Variants in OPCML observed in about 807,000 individuals in gnomAD.
The protein encoded by OPCML is opioid binding protein/cell adhesion molecule like, also known as opioid-binding protein/cell adhesion molecule.
OPCML carries 13 observed loss-of-function variants against 37.8 expected under a neutral mutation model. The ratio of observed to expected loss-of-function variants is 0.34; its 90% CI spans 0.22 to 0.55. The LOEUF is 0.55. OPCML is among the 20% of genes least tolerant of loss of function. The pLI, the probability that OPCML is intolerant of heterozygous loss-of-function variation, is 0.91. For synonymous variants in OPCML, 176 were observed against 168.8 expected, an observed-to-expected ratio of 1.04 and a Z score of -0.33; for missense variants, 341 against 435.6, an observed-to-expected ratio of 0.78 and a Z score of 1.93.
chr11:132,528,203 A>G (rs1437222639), intron 4 of OPCML, among the ~76,000 whole-genome samples: 1 of 148,778 alleles, frequency 6.7e-6, no homozygotes, highest in African/African-American at 2.6e-5. Context: ...GTCTTTCTCA[A>G]TATTACTAAG....
chr11:132,452,725 C>T (rs1386120864), intron 4 of OPCML, among the ~76,000 whole-genome samples: 1 of 152,110 alleles, frequency 6.6e-6, no homozygotes, highest in African/African-American at 2.4e-5. Context: ...AATAAGCCTA[C>T]CACTAAGGAC....
At chr11:133,214,283 A>T (rs565470841) in intron 1 of OPCML, among the ~76,000 whole-genome samples, 3 of 152,254 alleles carry the variant, frequency 2.0e-5, no homozygotes, top group African/African-American at 4.8e-5. Context: ...ATCTAACGTC[A>T]TTTATGATAG....
intron 1 of OPCML, among the ~76,000 whole-genome samples, chr11:133,446,596 G>C (rs1337806299): frequency 2.0e-5 from 3 of 152,020 alleles, no homozygotes; most frequent in Non-Finnish European, 4.4e-5. Context: ...AGCTGCTAAT[G>C]ATCTTTAGTA....
chr11:133,197,837 C>G (rs1274799690), intron 1 of OPCML, among the ~76,000 whole-genome samples: 2 of 152,174 alleles, frequency 1.3e-5, no homozygotes, highest in Non-Finnish European at 2.9e-5. Flanking sequence ...CCTCCCCAAA[C>G]AGCCTTTAGT....
intron 1 of OPCML, among the ~76,000 whole-genome samples, chr11:133,063,863 C>T (rs962527657): frequency 6.6e-6 from 1 of 152,154 alleles, no homozygotes; most frequent in East Asian, 1.9e-4. Flanking sequence ...AGCCCAGCCC[C>T]GGTTGGTGAT....
chr11:132,639,176 T>C (rs1940699281), intron 3 of OPCML, among the ~76,000 whole-genome samples: 1 of 152,194 alleles, frequency 6.6e-6, no homozygotes, highest in East Asian at 1.9e-4. Flanking sequence ...GTACAGCTTT[T>C]AACACGTGAG....
intron 1 of OPCML, among the ~76,000 whole-genome samples, chr11:133,153,041 A>G (rs1297839089): frequency 6.6e-6 from 1 of 152,122 alleles, no homozygotes; most frequent in Admixed American, 6.5e-5. Context: ...GGGTCCCTGC[A>G]GCCTGGACCC....
intron 3 of OPCML, among the ~76,000 whole-genome samples, chr11:132,583,257 G>A (rs1306351332): frequency 6.6e-5 from 10 of 151,906 alleles, no homozygotes; most frequent in Non-Finnish European, 1.3e-4. Flanking sequence ...TTAAAAGAAA[G>A]TTTGTTTGAT....
chr11:133,077,659 C>T (rs1246251187), intron 1 of OPCML, among the ~76,000 whole-genome samples: 1 of 151,992 alleles, frequency 6.6e-6, no homozygotes, highest in Non-Finnish European at 1.5e-5. Flanking sequence ...TGTTAACAGT[C>T]AACTCATTGG....
At chr11:132,593,730 A>G (rs938937534) in intron 3 of OPCML, among the ~76,000 whole-genome samples, 17 of 152,204 alleles carry the variant, frequency 1.1e-4, no homozygotes, top group African/African-American at 3.9e-4. Flanking sequence ...GAGAATAAAG[A>G]TGACTCCTAG....
intron 4 of OPCML, among the ~76,000 whole-genome samples, chr11:132,441,183 T>TTTTTTTTTTTTTTTTTTTTTTTTTTG (rs1344658726): frequency 8.0e-6 from 1 of 125,638 alleles, no homozygotes; most frequent in African/African-American, 3.3e-5. Context: ...TTTTTTTTTT[T>TTTTTTTTTTTTTTTTTTTTTTTTTTG]TTGAGACGGA....
Position 132,591,179 on chromosome 11 carries a change from C to T in OPCML, c.380-61993G>A, listed in dbSNP as rs568563705. Among the ~76,000 whole-genome samples, 7 of 152,264 alleles carry T rather than the reference C, an allele frequency of 4.6e-5. No individual in the cohort carries two copies. In the South Asian group the frequency reaches 6.2e-4, roughly 14 times the overall value. ...CTCCTGCATGTGATGCCACAATCATCGCCCCCCTTTGGAGTTGCTGTGGAA... is the reference window on the plus strand; with the variant it reads ...CTCCTGCATGTGATGCCACAATCATTGCCCCCCTTTGGAGTTGCTGTGGAA... On this transcript the variant is annotated intron_variant, in intron 3 of 7. Coordinates refer to ENST00000524381, the MANE Select transcript of OPCML (RefSeq NM_001012393.5).
At chr11:132,836,254 A>C (rs1565898926) in intron 2 of OPCML, among the ~76,000 whole-genome samples, 1 of 152,188 alleles carries the variant, frequency 6.6e-6, no homozygotes, top group Non-Finnish European at 1.5e-5. Context: ...AAAATACACA[A>C]AGAAAAATGC....
At chr11:133,520,094 C>T (rs1245123665) in intron 1 of OPCML, among the ~76,000 whole-genome samples, 2 of 152,064 alleles carry the variant, frequency 1.3e-5, no homozygotes, top group African/African-American at 4.8e-5. Context: ...CCACCCCAGG[C>T]AAGACAAAGA....
chr11:133,269,718 T>C (rs1428380343), intron 1 of OPCML, among the ~76,000 whole-genome samples: 2 of 152,164 alleles, frequency 1.3e-5, no homozygotes, highest in Non-Finnish European at 2.9e-5. Context: ...GACAATATCG[T>C]TAACATGCAC....
chr11:133,374,601 C>G (rs1049603437), intron 1 of OPCML, among the ~76,000 whole-genome samples: 1 of 152,194 alleles, frequency 6.6e-6, no homozygotes, highest in Non-Finnish European at 1.5e-5. Context: ...AATAGCTTCT[C>G]ATATTAGGTT....
chr11:132,479,824 G>A (rs1349834639), intron 4 of OPCML, among the ~76,000 whole-genome samples: 1 of 152,044 alleles, frequency 6.6e-6, no homozygotes, highest in Non-Finnish European at 1.5e-5. Flanking sequence ...CCTGTTAGAA[G>A]GAAAACTAAC....
chr11:133,187,086 G>A (rs764040328), intron 1 of OPCML, among the ~76,000 whole-genome samples: 32 of 152,194 alleles, frequency 2.1e-4, no homozygotes, highest in Non-Finnish European at 4.3e-4. Context: ...AAAGTGACAT[G>A]ATCTGATTTA....
intron 1 of OPCML, among the ~76,000 whole-genome samples, chr11:133,458,850 CGT>C (rs369049906): frequency 5.4e-5 from 8 of 148,682 alleles, no homozygotes; most frequent in Middle Eastern, 3.5e-3. Flanking sequence ...CATAGATGCA[CGT>C]GTGTGTGTAT....
Sources: allele counts gnomAD v4.1 joint callset (sites outside exome capture counted in the v4.1 genomes callset), GRCh38; gene constraint gnomAD v4.1.1; transcripts MANE v1.5; gene names NCBI Gene and HGNC (gene_info 2026-07-23, HGNC 2026-07-21).